CSGALNACT1: variants seen among roughly 807,000 people sequenced by gnomAD.
CSGALNACT1 encodes chondroitin sulfate N-acetylgalactosaminyltransferase 1.
In CSGALNACT1, 52 loss-of-function variants were observed where a neutral mutation model predicts 51.0. That is an observed-to-expected ratio of 1.02 (90% CI 0.82 to 1.29). CSGALNACT1 has a LOEUF of 1.29. Ranked by LOEUF, CSGALNACT1 falls within the 50% of genes most tolerant of loss-of-function variation. The probability of loss-of-function intolerance (pLI) is 0.00; values close to 1 mark genes in which losing one functional copy is unlikely to be tolerated. For missense variants in CSGALNACT1, 935 were observed against 679.2 expected (o/e 1.38, Z -4.19); for synonymous variants, 341 against 254.4 (o/e 1.34, Z -3.24).
At chr8:19,599,476 G>GAAAGAAAAAGAA (rs764414172) in intron 2 of CSGALNACT1, among the ~76,000 whole-genome samples, 1 of 61,204 alleles carries the variant, frequency 1.6e-5, no homozygotes, top group African/African-American at 6.4e-5. Context: ...GAAAGAAAAA[G>GAAAGAAAAAGAA]AAAGAAAGAA....
chr8:19,419,261 G>A (rs2057475155), intron 7 of CSGALNACT1, among the ~76,000 whole-genome samples: 1 of 152,198 alleles, frequency 6.6e-6, no homozygotes, highest in African/African-American at 2.4e-5. Flanking sequence ...GCGCAGGAAT[G>A]ATATTTGGAA....
chr8:19,458,305 G>A, intron 5 of CSGALNACT1, 121 bp downstream of exon 4: 1 of 901,256 alleles, frequency 1.1e-6, no homozygotes, highest in Non-Finnish European at 1.9e-6. Flanking sequence ...AGAAAACAGA[G>A]CTGAATAAGA....
intron 1 of CSGALNACT1, among the ~76,000 whole-genome samples, chr8:19,752,604 G>C (rs1158754266): frequency 6.6e-6 from 1 of 152,192 alleles, no homozygotes; most frequent in Non-Finnish European, 1.5e-5. Flanking sequence ...CCAGTTCCTA[G>C]TATCAAGCTG....
intron 1 of CSGALNACT1, among the ~76,000 whole-genome samples, chr8:19,694,064 A>T (rs187914441): frequency 6.6e-6 from 1 of 152,288 alleles, no homozygotes; most frequent in African/African-American, 2.4e-5. Flanking sequence ...TACTATATAC[A>T]TAATACTTAT....
At chr8:19,543,637 T>A (rs1165569816) in intron 3 of CSGALNACT1, among the ~76,000 whole-genome samples, 3 of 152,194 alleles carry the variant, frequency 2.0e-5, no homozygotes, top group African/African-American at 7.2e-5. Flanking sequence ...TGTGGCTGCA[T>A]GTTTCCCAGC....
chr8:19,421,544 C>G (rs2057937400), intron 6 of CSGALNACT1, among the ~76,000 whole-genome samples: 1 of 152,216 alleles, frequency 6.6e-6, no homozygotes, highest in African/African-American at 2.4e-5. Flanking sequence ...TCCTCTCACA[C>G]TCCCCGTCCT....
intron 2 of CSGALNACT1, among the ~76,000 whole-genome samples, chr8:19,593,715 T>C (rs1331749494): frequency 6.6e-6 from 1 of 152,210 alleles, no homozygotes; most frequent in African/African-American, 2.4e-5. Context: ...TCCTTGAGGT[T>C]AAAGGACACT....
At chr8:19,613,701 CCT>C (rs2052614888) in intron 1 of CSGALNACT1, among the ~76,000 whole-genome samples, 1 of 152,142 alleles carries the variant, frequency 6.6e-6, no homozygotes, top group African/African-American at 2.4e-5. Context: ...ATAATCAGCC[CCT>C]GTGACTTTTA....
chr8:19,505,949 C>T lies in CSGALNACT1; in HGVS notation c.-115G>A, dbSNP rs753723303. Reference sequence around the variant, plus strand: ...CATGCGTTTGGGGCCCCCGGAGCTGCTTGCATCCATTTCCTTCTAGAACGA... The same window carrying T: ...CATGCGTTTGGGGCCCCCGGAGCTGTTTGCATCCATTTCCTTCTAGAACGA... On this transcript the variant is annotated 5_prime_UTR_variant, in exon 4 of 10. Transcript: ENST00000454498. 2.4e-5 allele frequency: 29 copies of T among 1,221,568 alleles called. No homozygotes were observed. In the East Asian group the frequency reaches 7.1e-4, roughly 30 times the overall value. 75.7% of individuals were successfully genotyped at this position (1,221,568 alleles called of 1,614,324 possible).
intron 5 of CSGALNACT1, among the ~76,000 whole-genome samples, chr8:19,444,773 C>T (rs145618721): frequency 4.6e-4 from 70 of 152,198 alleles, no homozygotes; most frequent in Admixed American, 1.6e-3. Flanking sequence ...ATCAAATGAG[C>T]TCAATTAAAA....
rs562761589 is a variant in CSGALNACT1 at position 19,693,203 on chromosome 8, G to A, written c.-297+64647C>T. Reference sequence around the variant, plus strand: ...GACTGGAGGACCAGAGGAAGCCAGAGAATTTCCTCCCCTGCCTTTCTCTGC... The same window carrying A: ...GACTGGAGGACCAGAGGAAGCCAGAAAATTTCCTCCCCTGCCTTTCTCTGC... On this transcript the variant is annotated intron_variant, in intron 1 of 1. Transcript: ENST00000517494. 7.9e-5 allele frequency among the ~76,000 whole-genome samples: 12 copies of A among 152,226 alleles called. No individual in the cohort carries two copies. The South Asian group carries it at 1.9e-3, about 24-fold the overall frequency.
rs182266999 is a variant in CSGALNACT1, at chr8:19,674,987, C to A, written c.-544+7486G>T. The stretch of plus-strand genomic sequence containing the variant: ...CCAAGGCAGGAGGTCAAGAATCCAT[C>A]TTGAGACTCAAAGTTGAGATGCTCA... On this transcript the variant is annotated intron_variant, in intron 1 of 9. Transcript: ENST00000332246. 2.1e-3 allele frequency among the ~76,000 whole-genome samples: 313 copies of A among 152,254 alleles called. 1 individual carries two copies. The highest frequency in any genetic ancestry group is 7.1e-3 in the African/African-American group (296 of 41,548).
chr8:19,628,211 G>C (rs1384426105), intron 1 of CSGALNACT1, among the ~76,000 whole-genome samples: 1 of 152,178 alleles, frequency 6.6e-6, no homozygotes, highest in Non-Finnish European at 1.5e-5. Flanking sequence ...ACAAAGGAAA[G>C]AGGTTAATAG....
At chr8:19,692,138 G>GA (rs1197521504) in intron 1 of CSGALNACT1, among the ~76,000 whole-genome samples, 2 of 152,092 alleles carry the variant, frequency 1.3e-5, no homozygotes, top group Non-Finnish European at 2.9e-5. Flanking sequence ...CAGCATGGAG[G>GA]AACCGCCCCC....
At chr8:19,573,783 G>A (rs893298726) in intron 3 of CSGALNACT1, among the ~76,000 whole-genome samples, 1 of 152,146 alleles carries the variant, frequency 6.6e-6, no homozygotes, top group African/African-American at 2.4e-5. Context: ...GTTTCAGGAA[G>A]GGGATGTATA....
At chr8:19,461,960 A>G (rs1452455920) in intron 4 of CSGALNACT1, among the ~76,000 whole-genome samples, 2 of 152,052 alleles carry the variant, frequency 1.3e-5, no homozygotes, top group African/African-American at 4.8e-5. Context: ...CAGCAGCCGC[A>G]TTCACCATGG....
At chr8:19,417,779 G>T (rs765282328) in intron 8 of CSGALNACT1, among the ~76,000 whole-genome samples, 2 of 152,080 alleles carry the variant, frequency 1.3e-5, no homozygotes, top group African/African-American at 2.4e-5. Flanking sequence ...TCATCTCCCC[G>T]CAGGAAAAAA....
At chr8:19,563,703 C>T (rs1374852580) in intron 3 of CSGALNACT1, among the ~76,000 whole-genome samples, 1 of 152,178 alleles carries the variant, frequency 6.6e-6, no homozygotes, top group Non-Finnish European at 1.5e-5. Flanking sequence ...CACCTCCACT[C>T]AGATCTTTAA....
At chr8:19,594,582 T>C (rs539474298) in intron 2 of CSGALNACT1, among the ~76,000 whole-genome samples, 1 of 152,266 alleles carries the variant, frequency 6.6e-6, no homozygotes, top group African/African-American at 2.4e-5. Context: ...GTGACTCAAA[T>C]TAGTCACAAG....
Sources: allele counts gnomAD v4.1 joint callset (sites outside exome capture counted in the v4.1 genomes callset), GRCh38; gene constraint gnomAD v4.1.1; transcripts MANE v1.5; gene names NCBI Gene and HGNC (gene_info 2026-07-23, HGNC 2026-07-21).